The following ATP8A2 variants were observed in gnomAD, a reference collection of about 807,000 sequenced individuals.
The protein encoded by ATP8A2 is phospholipid-transporting ATPase IB.
ATP8A2 carries 100 observed loss-of-function variants against 165.6 expected under a neutral mutation model. That is an observed-to-expected ratio of 0.60 (90% confidence interval 0.51 to 0.71). The LOEUF (loss-of-function observed/expected upper bound fraction) is 0.71, where lower values mean the gene tolerates loss of function less well. Ranked by LOEUF, ATP8A2 falls within the 30% of genes least tolerant of loss-of-function variation. The pLI is 0.00. For synonymous variants in ATP8A2, 543 were observed against 548.8 expected, an observed-to-expected ratio of 0.99 and a Z score of 0.15; for missense variants, 1,227 against 1,479.5, an observed-to-expected ratio of 0.83 and a Z score of 2.80.
In ATP8A2 at chr13:25,589,590, C is replaced by T. The variant is rs370704122; in HGVS notation, c.2147-45C>T. On this transcript the variant is annotated intron_variant, in intron 23 of 36. Transcript: ENST00000381655. ...AAGGAGGTTGAATTTAAGGAGCTCA[C>T]AGAAGGAAAGAGAAATTCACATGTT... is the stretch of plus-strand genomic sequence containing the variant. The T allele has an allele frequency of 1.8e-5, 27 of 1,482,426 alleles. No individual in the cohort carries two copies. The African/African-American group carries it at 3.3e-4, about 18-fold the overall frequency. 91.8% of individuals were successfully genotyped at this position (1,482,426 alleles called of 1,614,324 possible). A position where few individuals can be genotyped will look rare whatever the true frequency, so the allele number is the denominator to read the frequency against.
chr13:25,642,800 T>C (rs114699516), intron 24 of ATP8A2, among the ~76,000 whole-genome samples: 5,270 of 152,258 alleles, frequency 0.035, 157 homozygotes, highest in East Asian at 0.13. Context: ...ATAGCAAATA[T>C]TTGGGACCAA....
At chr13:25,465,721 TTC>T (rs1491400553) in intron 1 of ATP8A2, among the ~76,000 whole-genome samples, 51 of 45,154 alleles carry the variant, frequency 1.1e-3, no homozygotes, top group African/African-American at 5.0e-3. Flanking sequence ...CTTTCTTTCT[TTC>T]TTTCTTTCTT....
At chr13:25,939,579 A>G (rs185786174) in intron 33 of ATP8A2, among the ~76,000 whole-genome samples, 1 of 151,702 alleles carries the variant, frequency 6.6e-6, no homozygotes. Context: ...GTTTGTGCCA[A>G]TGTGGAGACT....
At chr13:25,472,687 C>T (rs780538575) in intron 2 of ATP8A2, among the ~76,000 whole-genome samples, 2 of 152,112 alleles carry the variant, frequency 1.3e-5, no homozygotes, top group African/African-American at 2.4e-5. Flanking sequence ...GAGTTTATCC[C>T]AGTTCCTTTG....
At chr13:25,916,222 G>A (rs1281201993) in intron 33 of ATP8A2, among the ~76,000 whole-genome samples, 2 of 152,188 alleles carry the variant, frequency 1.3e-5, no homozygotes, top group East Asian at 3.8e-4. Flanking sequence ...TCCTAAATAT[G>A]CCTTTGAACA....
chr13:25,897,341 A>G (rs1357393893), intron 33 of ATP8A2, among the ~76,000 whole-genome samples: 2 of 152,264 alleles, frequency 1.3e-5, no homozygotes, highest in East Asian at 3.9e-4. Context: ...TCTTTTCTTT[A>G]AGAATGTTGA....
chr13:25,869,491 A>G (rs569913732), intron 33 of ATP8A2, among the ~76,000 whole-genome samples: 1 of 152,356 alleles, frequency 6.6e-6, no homozygotes, highest in African/African-American at 2.4e-5. Context: ...TTTGAACTAA[A>G]TTAAGCTAAT....
intron 4 of ATP8A2, 129 bp downstream of exon 4, chr13:25,530,789 G>A (rs1277592450): frequency 1.6e-6 from 1 of 626,164 alleles, no homozygotes. Context: ...ACACCTGATG[G>A]TATTTTTAGG....
At chr13:25,944,122 A>G (rs1393535420) in intron 33 of ATP8A2, among the ~76,000 whole-genome samples, 1 of 152,276 alleles carries the variant, frequency 6.6e-6, no homozygotes, top group African/African-American at 2.4e-5. Flanking sequence ...CAGTTGATTA[A>G]AATGAAAGTT....
rs928214446 is a variant in ATP8A2 at position 25,750,399 on chromosome 13, C to T, written c.2385-18647C>T. Among the ~76,000 whole-genome samples the T allele has an allele frequency of 2.0e-5, 3 of 152,208 alleles. No individual in the cohort carries two copies. Among genetic ancestry groups the T allele is most frequent in the Non-Finnish European group, 2.9e-5 (2 of 68,044 alleles). ...GTGCCCCCTCTTCCTTGGTTACTCT[C>T]ATCTGTCTCTAGTTTTGGGCCATAC... is the stretch of plus-strand genomic sequence containing the variant. On this transcript the variant is annotated intron_variant, in intron 25 of 36. Transcript: ENST00000381655. This position sits in a 1 kb window ranked among gnomAD's most constrained non-coding sequence, Gnocchi z 4.3.
At chr13:25,631,145 A>G (rs2041231116) in intron 24 of ATP8A2, among the ~76,000 whole-genome samples, 1 of 152,184 alleles carries the variant, frequency 6.6e-6, no homozygotes, top group South Asian at 2.1e-4. Flanking sequence ...AGTAAGAAAA[A>G]ACATACCTGT....
At position 25,768,085 on chromosome 13, in the gene ATP8A2, G is replaced by GC. The variant is rs1344221469; in HGVS notation, c.2385-961_2385-960insC. On this transcript the variant is annotated intron_variant, in intron 25 of 36. Coordinates refer to ENST00000381655, the MANE Select transcript of ATP8A2 (RefSeq NM_016529.6). Reference sequence around the variant, plus strand: ...TGTGTGTGTGGTGGCGTGGGGGGGGGGTGGTGGGGGGGCAAGTGCTGTTTA... The same window carrying GC: ...TGTGTGTGTGGTGGCGTGGGGGGGGGCGTGGTGGGGGGGCAAGTGCTGTTTA... Among the ~76,000 whole-genome samples the GC allele has an allele frequency of 5.8e-3, 761 of 130,998 alleles. 6 individuals carry two copies. The highest frequency in any genetic ancestry group is 9.2e-3 in the Non-Finnish European group (556 of 60,526). The allele number at this position is 130,998 out of a possible 152,430, so 85.9% of individuals were successfully genotyped here.
chr13:25,930,830 G>T (rs776646728), intron 33 of ATP8A2, among the ~76,000 whole-genome samples: 3 of 152,180 alleles, frequency 2.0e-5, no homozygotes, highest in Non-Finnish European at 4.4e-5. Flanking sequence ...GGGCCTTAGG[G>T]TCTGGCTGCA....
intron 2 of ATP8A2, among the ~76,000 whole-genome samples, chr13:25,484,700 A>G (rs1373876273): frequency 6.6e-6 from 1 of 151,898 alleles, no homozygotes; most frequent in Non-Finnish European, 1.5e-5. Context: ...TATTTTTAGT[A>G]GAGATGGAAT....
At chr13:25,513,201 C>A (rs184824162) in intron 2 of ATP8A2, among the ~76,000 whole-genome samples, 19 of 150,438 alleles carry the variant, frequency 1.3e-4, no homozygotes, top group African/African-American at 4.2e-4. Flanking sequence ...ACTTCTCAGA[C>A]GGTGCGGTTG....
At chr13:25,580,911 C>T (rs575348156) in intron 22 of ATP8A2, among the ~76,000 whole-genome samples, 2 of 152,200 alleles carry the variant, frequency 1.3e-5, no homozygotes, top group East Asian at 3.9e-4. Flanking sequence ...AAAAATTCTC[C>T]TCTGCTTTTT....
At chr13:25,992,169 G>A (rs1220181902) in intron 35 of ATP8A2, among the ~76,000 whole-genome samples, 1 of 149,890 alleles carries the variant, frequency 6.7e-6, no homozygotes, top group Admixed American at 6.6e-5. Context: ...TCATCATGAT[G>A]CATGAGTGAT....
intron 24 of ATP8A2, among the ~76,000 whole-genome samples, chr13:25,596,658 G>A (rs1210434565): frequency 1.3e-5 from 2 of 151,748 alleles, no homozygotes; most frequent in East Asian, 1.9e-4. Flanking sequence ...TTGTTTATTC[G>A]TTCACCTGTT....
chr13:25,703,920 A>G (rs1338269853), intron 25 of ATP8A2, among the ~76,000 whole-genome samples: 1 of 152,216 alleles, frequency 6.6e-6, no homozygotes, highest in African/African-American at 2.4e-5. Flanking sequence ...AAAATGGTCA[A>G]TTTTATCTTA....
Sources: gnomAD v4.1 joint callset for allele counts (sites outside exome capture counted in the v4.1 genomes callset) on GRCh38, gnomAD v4.1.1 for gene constraint, Gnocchi (gnomAD v3.1) non-coding constraint, MANE v1.5 for transcripts, NCBI Gene and HGNC (gene_info 2026-07-23, HGNC 2026-07-21) for gene names.